Variants in WDTC1 observed in about 807,000 individuals in gnomAD.
The protein encoded by WDTC1 is WD and tetratricopeptide repeats protein 1.
Under a neutral mutation model 76.0 loss-of-function variants are expected in WDTC1, and 12 were observed. The observed-to-expected ratio is 0.16, with a 90% CI of 0.10 to 0.26. The LOEUF is 0.26. Among genes scored for constraint, WDTC1 ranks in the 10% least tolerant of loss-of-function variants. WDTC1 has a pLI of 1.00. For missense variants in WDTC1, 511 were observed against 908.8 expected, an observed-to-expected ratio of 0.56 and a Z score of 5.63; for synonymous variants, 326 against 350.8, an observed-to-expected ratio of 0.93 and a Z score of 0.79.
chr1:27,297,711 C>G (rs1322675188), intron 11 of WDTC1, among the ~76,000 whole-genome samples: 1 of 152,154 alleles, frequency 6.6e-6, no homozygotes, highest in Non-Finnish European at 1.5e-5. Flanking sequence ...CTTCTTTTCA[C>G]TGGCTGAGAG....
At chr1:27,260,894 A>G (rs1482969430) in intron 1 of WDTC1, 62 bp from the exon 2 acceptor site, 2 of 776,260 alleles carry the variant, frequency 2.6e-6, no homozygotes, top group Admixed American at 2.7e-5. Context: ...TAGGGGTGGA[A>G]TTAGGTCTTG....
intron 1 of WDTC1, among the ~76,000 whole-genome samples, chr1:27,245,127 A>G (rs2011783856): frequency 6.6e-6 from 1 of 151,678 alleles, no homozygotes; most frequent in South Asian, 2.1e-4. Flanking sequence ...ACCATGTAGT[A>G]TTCTGCTTCA....
rs761056999 is a variant in WDTC1, at chr1:27,306,314, C to A, written c.1965C>A (p.Ser655Arg). The change falls in exon 16 of 16, where the codon AGC (serine) becomes AGA (arginine). Residue 655 changes from serine (S) to arginine (R), a missense_variant. By Grantham distance (110) the Ser-to-Arg change is moderately radical (BLOSUM62 -1). Coordinates refer to ENST00000319394, the MANE Select transcript of WDTC1 (RefSeq NM_001276252.2). This position sits in a 1 kb window ranked among gnomAD's most constrained non-coding sequence, Gnocchi z 5.0. ...TGGGCTACCGGATCACGGGCCTGAGCAGTGGGGGTGCCGGGGCCTCTGATG... is the reference window on the plus strand; with the variant it reads ...TGGGCTACCGGATCACGGGCCTGAGAAGTGGGGGTGCCGGGGCCTCTGATG... ...LNMGYRITGL[S>R]SGGAGASDDE... is the part of the protein sequence containing the mutation. The A allele has an allele frequency of 9.3e-6, 15 of 1,614,032 alleles. No homozygotes were observed. The highest frequency in any genetic ancestry group is 1.1e-5 in the Non-Finnish European group (13 of 1,180,000).
intron 6 of WDTC1, among the ~76,000 whole-genome samples, chr1:27,288,885 G>A (rs1043157052): frequency 1.3e-5 from 2 of 152,180 alleles, no homozygotes; most frequent in Non-Finnish European, 2.9e-5. Flanking sequence ...CAGACGGGGT[G>A]GTGGCCAGGC....
intron 5 of WDTC1, among the ~76,000 whole-genome samples, chr1:27,283,800 A>T (rs912643379): frequency 3.3e-5 from 5 of 152,186 alleles, no homozygotes; most frequent in African/African-American, 1.2e-4. Context: ...GACCTGTCTG[A>T]GCCTGTTTGC....
rs1334343632 is a variant in WDTC1 at position 27,306,055 on chromosome 1, T to A, written c.1837-131T>A. The A allele has an allele frequency of 9.8e-7, 1 of 1,023,954 alleles. No individual in the cohort carries two copies. The highest frequency in any genetic ancestry group is 1.4e-6 in the Non-Finnish European group (1 of 694,906). 63.4% of individuals were successfully genotyped at this position (1,023,954 alleles called of 1,614,324 possible). A position where few individuals can be genotyped will look rare whatever the true frequency, so the allele number is the denominator to read the frequency against. ...TGTGTTCCCCTCCACCATATACACC[T>A]CCTGGCATGTATGTGTACCTCCCCC... On this transcript the variant is annotated intron_variant, in intron 15 of 15. Transcript: ENST00000319394. This position sits in a 1 kb window ranked among gnomAD's most constrained non-coding sequence, Gnocchi z 5.0.
intron 3 of WDTC1, among the ~76,000 whole-genome samples, chr1:27,281,249 C>T (rs527575763): frequency 1.1e-4 from 16 of 151,868 alleles, no homozygotes; most frequent in Non-Finnish European, 2.1e-4. Flanking sequence ...ATCATGAGGT[C>T]GAGACCATCC....
chr1:27,265,833 G>C (rs2012645611), intron 3 of WDTC1, among the ~76,000 whole-genome samples: 1 of 152,026 alleles, frequency 6.6e-6, no homozygotes, highest in Admixed American at 6.6e-5. Flanking sequence ...TGTAATCCCA[G>C]CAACTTGGGA....
At chr1:27,256,323 A>G (rs761729463) in intron 1 of WDTC1, among the ~76,000 whole-genome samples, 1 of 152,222 alleles carries the variant, frequency 6.6e-6, no homozygotes, top group Non-Finnish European at 1.5e-5. Flanking sequence ...ATCCCAGTTC[A>G]GGGTTTAGGG....
chr1:27,283,489 T>G (rs6670124), intron 5 of WDTC1, 40 bp downstream of exon 5: 1,598,579 of 1,605,746 alleles, frequency 1, 795,926 homozygotes, highest in East Asian at 1. Context: ...AAGCCACAGA[T>G]CAAGCACAAG....
chr1:27,265,904 G>T (rs1039798382), intron 3 of WDTC1, among the ~76,000 whole-genome samples: 1 of 151,802 alleles, frequency 6.6e-6, no homozygotes, highest in Non-Finnish European at 1.5e-5. Flanking sequence ...CCAAGATCTC[G>T]CCATTGCACT....
At position 27,303,732 on chromosome 1, in the gene WDTC1, A is replaced by G; in HGVS notation, c.1580A>G (p.Gln527Arg). 1 of 1,614,132 alleles carries G rather than the reference A, an allele frequency of 6.2e-7. No homozygotes were observed. The highest frequency in any genetic ancestry group is 8.5e-7 in the Non-Finnish European group (1 of 1,179,980). Reference sequence around the variant, plus strand: ...CTGCGGGAGCGAAGCTACGACTATCAGTTCCGCTACTGCGGCCACTGCAAC... The same window carrying G: ...CTGCGGGAGCGAAGCTACGACTATCGGTTCCGCTACTGCGGCCACTGCAAC... ...MVLRERSYDY[Q>R]FRYCGHCNTT... The change falls in exon 14 of 16, where the codon CAG becomes CGG. Residue 527 changes from glutamine to arginine, a missense_variant. By Grantham distance (43) the Gln-to-Arg change is conservative. Transcript: ENST00000319394. This position sits in a 1 kb window ranked among gnomAD's most constrained non-coding sequence, Gnocchi z 4.8.
chr1:27,269,988 G>A (rs1460757040), intron 3 of WDTC1, among the ~76,000 whole-genome samples: 2 of 151,546 alleles, frequency 1.3e-5, no homozygotes, highest in South Asian at 4.2e-4. Flanking sequence ...CCAGGCTGGA[G>A]CGCAGTGATG....
intron 5 of WDTC1, among the ~76,000 whole-genome samples, chr1:27,283,653 A>G (rs971161312): frequency 2.6e-5 from 4 of 152,150 alleles, no homozygotes; most frequent in African/African-American, 4.8e-5. Flanking sequence ...CTAAGCGGCC[A>G]ATTCTAGATG....
chr1:27,262,875 TC>T (rs981794230), intron 2 of WDTC1, among the ~76,000 whole-genome samples: 2 of 152,104 alleles, frequency 1.3e-5, no homozygotes, highest in African/African-American at 4.8e-5. Context: ...ATGGAACTAT[TC>T]CCCATTGTTT....
rs549302392 is a variant in WDTC1, at chr1:27,281,342, C to G, written c.133-897C>G. Among the ~76,000 whole-genome samples, 29 of 151,104 alleles carry G rather than the reference C, an allele frequency of 1.9e-4. No individual in the cohort carries two copies. In the South Asian group the frequency reaches 5.9e-3, roughly 31 times the overall value. ...GTTGGCGGGCGCCTGTAGTCTCAGC[C>G]ACTCAGGAGGCTGAGGCAGGAGAAT... On this transcript the variant is annotated intron_variant, in intron 3 of 15. Coordinates refer to ENST00000319394, the MANE Select transcript of WDTC1 (RefSeq NM_001276252.2).
intron 1 of WDTC1, among the ~76,000 whole-genome samples, chr1:27,259,527 T>C (rs553215000): frequency 6.6e-6 from 1 of 151,860 alleles, no homozygotes; most frequent in Admixed American, 6.6e-5. Context: ...AGTCTCGCTA[T>C]GTTGCCCAAG....
intron 1 of WDTC1, among the ~76,000 whole-genome samples, chr1:27,259,697 G>A (rs17262181): frequency 0.053 from 7,995 of 151,810 alleles, 291 homozygotes; most frequent in Non-Finnish European, 0.078. Flanking sequence ...AATCAGAGTT[G>A]TATAACACAG....
At chr1:27,268,110 C>G (rs940748167) in intron 3 of WDTC1, among the ~76,000 whole-genome samples, 1 of 152,108 alleles carries the variant, frequency 6.6e-6, no homozygotes, top group Non-Finnish European at 1.5e-5. Context: ...TCAACAAATA[C>G]TCTCTCTCAA....
Sources: gnomAD v4.1 joint callset for allele counts (sites outside exome capture counted in the v4.1 genomes callset) on GRCh38, gnomAD v4.1.1 for gene constraint, Gnocchi (gnomAD v3.1) non-coding constraint, MANE v1.5 for transcripts, NCBI Gene and HGNC (gene_info 2026-07-23, HGNC 2026-07-21) for gene names.